The following SSPN variants were observed in gnomAD, a reference collection of about 807,000 sequenced individuals.
SSPN encodes K-ras oncogene-associated protein.
SSPN carries 15 observed loss-of-function variants against 19.1 expected under a neutral mutation model. The observed-to-expected ratio is 0.78, with a 90% CI of 0.52 to 1.21. The LOEUF is 1.21. Ranked by LOEUF, SSPN falls within the 50% of genes most tolerant of loss-of-function variation. The pLI is 0.00. For synonymous variants in SSPN, 147 were observed against 140.3 expected (o/e 1.05, Z -0.34); for missense variants, 291 against 314.0 (o/e 0.93, Z 0.55).
In SSPN at chr12:26,231,949, T is replaced by G; in HGVS notation, c.*873T>G. 2.0e-6 allele frequency: 2 copies of G among 985,390 alleles called. No homozygotes were observed. Among genetic ancestry groups the G allele is most frequent in the Middle Eastern group, 5.2e-4 (1 of 1,914 alleles). 61.0% of individuals were successfully genotyped at this position (985,390 alleles called of 1,614,324 possible). The stretch of plus-strand genomic sequence containing the variant: ...CTGCACTGTCGGTGTTAAGAGAAAT[T>G]ACTCTCACAAGAGCAGAGGCCTGAA... On this transcript the variant is annotated 3_prime_UTR_variant, in exon 3 of 3. Transcript: ENST00000242729.
intron 1 of SSPN, among the ~76,000 whole-genome samples, chr12:26,158,558 AG>A (rs1477127718): frequency 1.3e-5 from 2 of 152,248 alleles, no homozygotes; most frequent in Non-Finnish European, 2.9e-5. Context: ...CAGGATCTGC[AG>A]GAAGTCCCTC....
At chr12:26,230,629 G>T (rs528956484) in intron 2 of SSPN, 82 bp from the exon 3 acceptor site, 1 of 1,486,062 alleles carries the variant, frequency 6.7e-7, no homozygotes, top group Non-Finnish European at 9.0e-7. Flanking sequence ...GGAAGAAAAA[G>T]AACAGTTTTG....
At chr12:26,144,821 CTTTCTG>C (rs1944480507) in intron 1 of SSPN, among the ~76,000 whole-genome samples, 1 of 152,154 alleles carries the variant, frequency 6.6e-6, no homozygotes, top group Non-Finnish European at 1.5e-5. Context: ...TCTACTAAAT[CTTTCTG>C]TTTCTAGGGT....
chr12:26,140,708 C>T (rs967610244), intron 1 of SSPN, among the ~76,000 whole-genome samples: 1 of 152,200 alleles, frequency 6.6e-6, no homozygotes, highest in Admixed American at 6.5e-5. Flanking sequence ...GACGTGACTT[C>T]TTCCTCTTCA....
Position 26,230,818 on chromosome 12 carries a change from A to C in SSPN, c.474A>C (p.Thr158=). 1 of 1,614,144 alleles carries C rather than the reference A, an allele frequency of 6.2e-7. No individual in the cohort carries two copies. Among genetic ancestry groups the C allele is most frequent in the Non-Finnish European group, 8.5e-7 (1 of 1,180,032 alleles). The change falls in exon 3 of 3, where the codon ACA becomes ACC. Residue 158 remains threonine (T), a synonymous_variant. Transcript: ENST00000242729. ...SQLTQFTCET[T]LDSCQCKLPS... Reference sequence around the variant, plus strand: ...TCACACAGTTTACCTGTGAGACCACACTCGACTCTTGCCAGTGCAAACTGC... The same window carrying C: ...TCACACAGTTTACCTGTGAGACCACCCTCGACTCTTGCCAGTGCAAACTGC...
intron 1 of SSPN, among the ~76,000 whole-genome samples, chr12:26,198,490 C>T (rs1231750326): frequency 6.7e-6 from 1 of 150,110 alleles, no homozygotes; most frequent in East Asian, 1.9e-4. Flanking sequence ...ACATGTAAAG[C>T]ACTTAAAATA....
chr12:26,211,755 A>G (rs1944988788), intron 1 of SSPN: 1 of 152,188 alleles, frequency 6.6e-6, no homozygotes, highest in African/African-American at 2.4e-5. Context: ...TAACAAGCAC[A>G]TTTTTCTTCC....
In SSPN at chr12:26,122,650, T is replaced by C. The variant is rs925023607; in HGVS notation, c.-31+498T>C. ...GCGCCGCCCCCCGGGCCGCCGCCGCTGCCGCCGCCGCGGGAATCCAGCTTC... is the reference window on the plus strand; with the variant it reads ...GCGCCGCCCCCCGGGCCGCCGCCGCCGCCGCCGCCGCGGGAATCCAGCTTC... On this transcript the variant is annotated intron_variant, in intron 1 of 2. Transcript: ENST00000538142. The C allele has an allele frequency of 1.2e-5, 16 of 1,346,690 alleles. No individual in the cohort carries two copies. Among genetic ancestry groups the C allele is most frequent in the Non-Finnish European group, 9.6e-6 (10 of 1,042,252 alleles). The allele number at this position is 1,346,690 out of a possible 1,614,324, so 83.4% of individuals were successfully genotyped here.
At chr12:26,130,497 A>C (rs930319361) in intron 1 of SSPN, among the ~76,000 whole-genome samples, 4 of 152,158 alleles carry the variant, frequency 2.6e-5, no homozygotes, top group African/African-American at 9.7e-5. Flanking sequence ...TACAATCAAA[A>C]CTATTGGTAT....
At position 26,232,917 on chromosome 12, in the gene SSPN, A is replaced by C. The variant is rs545476032; in HGVS notation, c.*1841A>C. Reference sequence around the variant, plus strand: ...CAAGCAGAATGATGAGGACCTGTAAAATACCTTGTGCCCTATTAAAAAAAA... The same window carrying C: ...CAAGCAGAATGATGAGGACCTGTAACATACCTTGTGCCCTATTAAAAAAAA... On this transcript the variant is annotated 3_prime_UTR_variant, in exon 3 of 3. Transcript: ENST00000242729. The C allele has an allele frequency of 6.9e-6, 1 of 144,486 alleles. No homozygotes were observed. The highest frequency in any genetic ancestry group is 2.7e-5 in the African/African-American group (1 of 36,672). 9.0% of individuals were successfully genotyped at this position (144,486 alleles called of 1,614,324 possible).
intron 1 of SSPN, among the ~76,000 whole-genome samples, chr12:26,183,006 T>C (rs995685441): frequency 5.3e-5 from 8 of 152,172 alleles, no homozygotes; most frequent in Non-Finnish European, 4.4e-5. Flanking sequence ...CCCCAAGTGA[T>C]CCGCCTGCCT....
intron 1 of SSPN, among the ~76,000 whole-genome samples, chr12:26,144,895 T>C (rs1351507455): frequency 6.6e-6 from 1 of 152,240 alleles, no homozygotes; most frequent in Non-Finnish European, 1.5e-5. Context: ...TTGGTCACTT[T>C]CCTCCGCCAA....
chr12:26,181,289 A>G (rs1349046623), intron 1 of SSPN: 2 of 152,180 alleles, frequency 1.3e-5, no homozygotes, highest in Admixed American at 1.3e-4. Flanking sequence ...CTGTCATTTG[A>G]TCCACTTCTG....
At position 26,233,329 on chromosome 12, in the gene SSPN, G is replaced by GAT. The variant is rs1945254168; in HGVS notation, c.*2254_*2255insTA. ...AGCTTTATAATAGTATAACCGTCAGGAGATATATATATATATATATACACA... is the reference window on the plus strand; with the variant it reads ...AGCTTTATAATAGTATAACCGTCAGGATAGATATATATATATATATATACACA... On this transcript the variant is annotated 3_prime_UTR_variant, in exon 3 of 3. Coordinates refer to ENST00000242729, the MANE Select transcript of SSPN (RefSeq NM_005086.5). This position sits in a 1 kb window ranked among gnomAD's most constrained non-coding sequence, Gnocchi z 4.3. 1.4e-5 allele frequency: 1 copy of GAT among 73,002 alleles called. No homozygotes were observed. The highest frequency in any genetic ancestry group is 1.1e-4 in the African/African-American group (1 of 9,290). 4.5% of individuals were successfully genotyped at this position (73,002 alleles called of 1,614,324 possible). A position where few individuals can be genotyped will look rare whatever the true frequency, so the allele number is the denominator to read the frequency against.
chr12:26,173,911 A>G (rs1214157008), intron 1 of SSPN, among the ~76,000 whole-genome samples: 4 of 152,364 alleles, frequency 2.6e-5, no homozygotes, highest in Middle Eastern at 3.4e-3. Context: ...AAACAATACC[A>G]TAAAACTACT....
rs1945102055 is a variant in SSPN at position 26,220,025 on chromosome 12, C to G, written c.280-4268C>G. Among the ~76,000 whole-genome samples, 3 of 152,298 alleles carry G rather than the reference C, an allele frequency of 2.0e-5. 1 individual carries two copies. The highest frequency in any genetic ancestry group is 1.3e-4 in the Admixed American group (2 of 15,300). ...CCCATTAACATGAGCTCCCCCTTCC[C>G]TGCTGGGAAGCCAGAATGCCGTGTC... is the stretch of plus-strand genomic sequence containing the variant. On this transcript the variant is annotated intron_variant, in intron 1 of 2. Coordinates refer to ENST00000242729, the MANE Select transcript of SSPN (RefSeq NM_005086.5).
chr12:26,148,974 C>A (rs1944509221), intron 1 of SSPN, among the ~76,000 whole-genome samples: 1 of 152,162 alleles, frequency 6.6e-6, no homozygotes, highest in Non-Finnish European at 1.5e-5. Flanking sequence ...TCTCTTTGTT[C>A]TCCATCACAC....
intron 1 of SSPN, among the ~76,000 whole-genome samples, chr12:26,185,169 A>G (rs1248254808): frequency 1.3e-5 from 2 of 152,210 alleles, no homozygotes; most frequent in Non-Finnish European, 2.9e-5. Flanking sequence ...GATGTAGTCA[A>G]TATCTCAGTA....
At chr12:26,147,645 T>G (rs547850203) in intron 1 of SSPN, among the ~76,000 whole-genome samples, 3 of 152,220 alleles carry the variant, frequency 2.0e-5, no homozygotes, top group Non-Finnish European at 4.4e-5. Flanking sequence ...ACCAGAAATT[T>G]CTGTGTGAGC....
Sources: allele counts gnomAD v4.1 joint callset (sites outside exome capture counted in the v4.1 genomes callset), GRCh38; gene constraint gnomAD v4.1.1; non-coding constraint Gnocchi (gnomAD v3.1); transcripts MANE v1.5; gene names NCBI Gene and HGNC (gene_info 2026-07-23, HGNC 2026-07-21).